Variants in TGFA observed in about 807,000 individuals in gnomAD.
TGFA encodes transforming growth factor alpha.
Under a neutral mutation model 21.7 loss-of-function variants are expected in TGFA, and 12 were observed. The observed-to-expected ratio is 0.55, with a 90% CI of 0.35 to 0.90. The LOEUF (loss-of-function observed/expected upper bound fraction) is 0.90. Ranked by LOEUF, TGFA falls within the 40% of genes least tolerant of loss-of-function variation. TGFA has a pLI of 0.01. For synonymous variants in TGFA, 79 were observed against 88.1 expected (o/e 0.90, Z 0.58); for missense variants, 178 against 210.8 (o/e 0.84, Z 0.96).
At chr2:70,500,144 G>A (rs1161209956) in intron 2 of TGFA, among the ~76,000 whole-genome samples, 2 of 152,132 alleles carry the variant, frequency 1.3e-5, no homozygotes, top group African/African-American at 4.8e-5. Context: ...CATGTGTCAA[G>A]CACTCCACAG....
At chr2:70,491,329 C>T (rs1479057122) in intron 2 of TGFA, among the ~76,000 whole-genome samples, 4 of 152,158 alleles carry the variant, frequency 2.6e-5, no homozygotes, top group African/African-American at 9.7e-5. Context: ...GGGAGGTTGG[C>T]CAGGACCAGT....
At chr2:70,508,150 A>C (rs1671984931) in intron 2 of TGFA, among the ~76,000 whole-genome samples, 1 of 152,238 alleles carries the variant, frequency 6.6e-6, no homozygotes, top group South Asian at 2.1e-4. Context: ...AGACAACTAT[A>C]AAAGACTAGG....
intron 3 of TGFA, among the ~76,000 whole-genome samples, chr2:70,465,322 C>T (rs1260512518): frequency 6.6e-6 from 1 of 152,210 alleles, no homozygotes; most frequent in Non-Finnish European, 1.5e-5. Context: ...CAAGAATTTT[C>T]AGACTTTGCT....
chr2:70,482,679 G>T (rs1671159654), intron 2 of TGFA, among the ~76,000 whole-genome samples: 1 of 151,814 alleles, frequency 6.6e-6, no homozygotes, highest in Admixed American at 6.6e-5. Context: ...AATTTAACTT[G>T]GTTGGTTGGC....
chr2:70,462,822 C>T (rs1670443109), intron 3 of TGFA, among the ~76,000 whole-genome samples: 1 of 152,082 alleles, frequency 6.6e-6, no homozygotes, highest in Admixed American at 6.6e-5. Context: ...GCCGTGCCTC[C>T]CCCAAGATGG....
rs1397863343 is a variant in TGFA at position 70,450,653 on chromosome 2, TTTC to T, written c.*203_*205del. Reference sequence around the variant, plus strand: ...AAGTCTTGAAATCGTGGTCCGCTGATTTCTTCTCTAGGTCACACTGAATAACCC... The same window carrying T: ...AAGTCTTGAAATCGTGGTCCGCTGATTTCTCTAGGTCACACTGAATAACCC... On this transcript the variant is annotated 3_prime_UTR_variant, in exon 6 of 6. Coordinates refer to ENST00000295400, the MANE Select transcript of TGFA (RefSeq NM_003236.4). 14 of 577,978 alleles carry T rather than the reference TTTC, an allele frequency of 2.4e-5. No homozygotes were observed. The African/African-American group carries it at 2.4e-4, about 10-fold the overall frequency. 35.8% of individuals were successfully genotyped at this position (577,978 alleles called of 1,614,324 possible).
Position 70,521,622 on chromosome 2 carries a change from T to G in TGFA, c.41-6710A>C, listed in dbSNP as rs1475770378. ...TTTTTTGTTGTTGTTTGTTTGTTTT[T>G]TTTTTTTTTTTTTTTTGAGTCTCGC... is the stretch of plus-strand genomic sequence containing the variant. On this transcript the variant is annotated intron_variant, in intron 1 of 5. Coordinates refer to ENST00000295400, the MANE Select transcript of TGFA (RefSeq NM_003236.4). 5.8e-4 allele frequency among the ~76,000 whole-genome samples: 72 copies of G among 124,344 alleles called. 2 individuals are homozygous for G. Among genetic ancestry groups the G allele is most frequent in the African/African-American group, 2.5e-3 (67 of 27,088 alleles). 81.6% of individuals were successfully genotyped at this position (124,344 alleles called of 152,430 possible).
intron 1 of TGFA, among the ~76,000 whole-genome samples, chr2:70,540,540 G>T (rs1396848633): frequency 2.6e-5 from 4 of 152,204 alleles, no homozygotes; most frequent in African/African-American, 4.8e-5. Context: ...CACACCCAAA[G>T]AATTAAAATT....
chr2:70,518,644 G>C (rs1553501904), intron 1 of TGFA, among the ~76,000 whole-genome samples: 1 of 152,154 alleles, frequency 6.6e-6, no homozygotes, highest in African/African-American at 2.4e-5. Context: ...CCTCAATCAG[G>C]CATGGGACTA....
rs782058394 is a variant in TGFA, at chr2:70,453,261, G to C, written c.432C>G (p.Ser144Arg). ...AAGCGGTTCTTCCCTTCAGGAGGGC[G>C]CTGGGCTTCTCGTGCCGGCAGATGA... The part of the protein sequence containing the change: ...RALICRHEKP[S>R]ALLKGRTACC... Residue 144 changes from serine to arginine, a missense_variant, in exon 5 of 6, where the codon AGC becomes AGG. Coordinates refer to ENST00000295400, the MANE Select transcript of TGFA (RefSeq NM_003236.4). 6.2e-7 allele frequency: 1 copy of C among 1,614,018 alleles called. No individual in the cohort carries two copies. The highest frequency in any genetic ancestry group is 8.5e-7 in the Non-Finnish European group (1 of 1,179,898).
At chr2:70,537,969 G>A (rs1673022213) in intron 1 of TGFA, among the ~76,000 whole-genome samples, 1 of 152,170 alleles carries the variant, frequency 6.6e-6, no homozygotes, top group African/African-American at 2.4e-5. Context: ...TCAAAAGACA[G>A]GCTGATTCTC....
Position 70,535,039 on chromosome 2 carries a change from G to GTT in TGFA, c.40+18687_40+18688dup, listed in dbSNP as rs3836149. Among the ~76,000 whole-genome samples, 846 of 150,568 alleles carry GTT rather than the reference G, an allele frequency of 5.6e-3. 8 individuals are homozygous for GTT. Among genetic ancestry groups the GTT allele is most frequent in the African/African-American group, 0.019 (791 of 41,084 alleles). ...CCTAACAATTTTGTGCCTCAGTTCA[G>GTT]TTTTTTTTTTAAATCTCTAAAATGG... On this transcript the variant is annotated intron_variant, in intron 1 of 5. Transcript: ENST00000295400.
At chr2:70,537,550 A>G (rs143210970) in intron 1 of TGFA, among the ~76,000 whole-genome samples, 1 of 152,362 alleles carries the variant, frequency 6.6e-6, no homozygotes, top group African/African-American at 2.4e-5. Flanking sequence ...AAATGATAAG[A>G]GAGCACAATA....
chr2:70,454,664 C>T (rs1354394859), intron 4 of TGFA, among the ~76,000 whole-genome samples: 1 of 152,230 alleles, frequency 6.6e-6, no homozygotes, highest in African/African-American at 2.4e-5. Context: ...GACCCTGCAA[C>T]TCAGGAGGGC....
rs200901290 is a variant in TGFA, at chr2:70,504,433, AATATATATATAT to A, written c.94+10414_94+10425del. ...CCAAAACCAAAAACAAAACAAAACA[AATATATATATAT>A]ATATATATATATATATATACACACA... On this transcript the variant is annotated intron_variant, in intron 2 of 5. Transcript: ENST00000295400. Among the ~76,000 whole-genome samples the A allele has an allele frequency of 6.1e-4, 38 of 62,450 alleles. 3 individuals carry two copies. The East Asian group carries it at 8.7e-3, about 14-fold the overall frequency. The allele number at this position is 62,450 out of a possible 152,430, so 41.0% of individuals were successfully genotyped here.
intron 2 of TGFA, among the ~76,000 whole-genome samples, chr2:70,484,093 A>T (rs72910028): frequency 1.2e-4 from 19 of 152,346 alleles, no homozygotes; most frequent in African/African-American, 4.6e-4. Flanking sequence ...ATTGCCTGAA[A>T]TTGAACTCTA....
chr2:70,456,521 T>C (rs1553490600), intron 3 of TGFA, 33 bp from the exon 4 acceptor site: 1 of 1,572,496 alleles, frequency 6.4e-7, no homozygotes. Flanking sequence ...TGCACTCTCC[T>C]GACAAAAGGT....
chr2:70,547,909 GATCC>G (rs143666173), intron 1 of TGFA, among the ~76,000 whole-genome samples: 1,607 of 149,760 alleles, frequency 0.011, 23 homozygotes, highest in African/African-American at 0.037. Context: ...ATAAAGAATA[GATCC>G]ATCAGGTTCT....
At chr2:70,469,200 A>G (rs1459242464) in intron 2 of TGFA, among the ~76,000 whole-genome samples, 1 of 152,166 alleles carries the variant, frequency 6.6e-6, no homozygotes, top group Non-Finnish European at 1.5e-5. Flanking sequence ...AGACCTACTG[A>G]ATCAGGATCT....
Sources: gnomAD v4.1 joint callset for allele counts (sites outside exome capture counted in the v4.1 genomes callset) on GRCh38, gnomAD v4.1.1 for gene constraint, MANE v1.5 for transcripts, NCBI Gene and HGNC (gene_info 2026-07-23, HGNC 2026-07-21) for gene names.